ST6GALNAC5: variants seen among roughly 807,000 people sequenced by gnomAD.
ST6GALNAC5 encodes alpha-N-acetylgalactosaminide alpha-2,6-sialyltransferase 5.
A neutral mutation model predicts 33.6 loss-of-function variants in ST6GALNAC5; 27 were observed. The ratio of observed to expected loss-of-function variants is 0.80; its 90% CI spans 0.59 to 1.11. The LOEUF is 1.11. Among genes scored for constraint, ST6GALNAC5 ranks in the 50% least tolerant of loss-of-function variants. The pLI, the probability that ST6GALNAC5 is intolerant of heterozygous loss-of-function variation, is 0.00. For missense variants in ST6GALNAC5, 428 were observed against 454.0 expected (o/e 0.94, Z 0.52); for synonymous variants, 194 against 171.2 (o/e 1.13, Z -1.04).
chr1:77,012,221 T>G (rs1194675472), intron 2 of ST6GALNAC5, among the ~76,000 whole-genome samples: 1 of 152,158 alleles, frequency 6.6e-6, no homozygotes, highest in African/African-American at 2.4e-5. Flanking sequence ...AAATAATGTT[T>G]AAGAGTTTTT....
chr1:77,025,479 C>A (rs910421030), intron 2 of ST6GALNAC5, among the ~76,000 whole-genome samples: 1 of 150,662 alleles, frequency 6.6e-6, no homozygotes, highest in Non-Finnish European at 1.5e-5. Context: ...GAGATCACAC[C>A]ATTGAACTCC....
At chr1:76,993,430 C>T (rs1175923034) in intron 2 of ST6GALNAC5, among the ~76,000 whole-genome samples, 1 of 152,086 alleles carries the variant, frequency 6.6e-6, no homozygotes. Flanking sequence ...TTCTTGGTAC[C>T]CATTAAACAG....
chr1:76,885,072 T>A (rs531359772), intron 2 of ST6GALNAC5, among the ~76,000 whole-genome samples: 21 of 152,326 alleles, frequency 1.4e-4, no homozygotes, highest in African/African-American at 4.8e-4. Flanking sequence ...AAGGATGGGA[T>A]GGCGCCAGAC....
At chr1:77,041,409 A>G (rs1380541069) in intron 2 of ST6GALNAC5, among the ~76,000 whole-genome samples, 1 of 152,222 alleles carries the variant, frequency 6.6e-6, no homozygotes, top group African/African-American at 2.4e-5. Context: ...GGTTTTGGCC[A>G]TTACTTTTAA....
intron 2 of ST6GALNAC5, among the ~76,000 whole-genome samples, chr1:76,896,693 G>A (rs540540567): frequency 2.1e-4 from 32 of 152,230 alleles, no homozygotes; most frequent in African/African-American, 4.3e-4. Context: ...GGTAATTGTC[G>A]GACTTAAAGA....
At chr1:76,920,690 G>A (rs190179215) in intron 2 of ST6GALNAC5, among the ~76,000 whole-genome samples, 30 of 152,256 alleles carry the variant, frequency 2.0e-4, no homozygotes, top group African/African-American at 6.7e-4. Context: ...ACATTGCATT[G>A]AATCAGGGAA....
chr1:77,055,908 T>C (rs1357646026), intron 4 of ST6GALNAC5, among the ~76,000 whole-genome samples: 1 of 152,184 alleles, frequency 6.6e-6, no homozygotes, highest in African/African-American at 2.4e-5. Flanking sequence ...GCCCTGTCCA[T>C]GGGGGTGTTT....
rs866136604 is a variant in ST6GALNAC5 at position 76,991,845 on chromosome 1, A to G, written c.262-52359A>G. On this transcript the variant is annotated intron_variant, in intron 2 of 4. Transcript: ENST00000477717. Reference sequence around the variant, plus strand: ...TTCTAACTCACGCGTGTGCGCACACACACACACACACACACACACAGACAC... The same window carrying G: ...TTCTAACTCACGCGTGTGCGCACACGCACACACACACACACACACAGACAC... Among the ~76,000 whole-genome samples, 893 of 150,444 alleles carry G rather than the reference A, an allele frequency of 5.9e-3. 9 individuals are homozygous for G. Among genetic ancestry groups the G allele is most frequent in the African/African-American group, 0.02 (812 of 40,362 alleles).
At chr1:76,989,456 G>C (rs1463058596) in intron 2 of ST6GALNAC5, among the ~76,000 whole-genome samples, 1 of 151,938 alleles carries the variant, frequency 6.6e-6, no homozygotes. Flanking sequence ...TTCATGGCAA[G>C]ACATTTGTTC....
intron 2 of ST6GALNAC5, among the ~76,000 whole-genome samples, chr1:76,878,865 C>T (rs1653711510): frequency 6.6e-6 from 1 of 152,164 alleles, no homozygotes; most frequent in African/African-American, 2.4e-5. Flanking sequence ...CAGAGCTCTA[C>T]ATGAGTCAGG....
chr1:76,929,515 G>T (rs528450395), intron 2 of ST6GALNAC5, among the ~76,000 whole-genome samples: 1 of 152,172 alleles, frequency 6.6e-6, no homozygotes, highest in East Asian at 1.9e-4. Context: ...CTGCAGCCTG[G>T]GCAATAAAGT....
chr1:76,965,874 C>T (rs1648450805), intron 2 of ST6GALNAC5, among the ~76,000 whole-genome samples: 1 of 152,154 alleles, frequency 6.6e-6, no homozygotes, highest in African/African-American at 2.4e-5. Flanking sequence ...AATCCTTTCC[C>T]ATTTCTTGCT....
intron 2 of ST6GALNAC5, among the ~76,000 whole-genome samples, chr1:77,030,716 G>A (rs1651420190): frequency 6.6e-6 from 1 of 152,186 alleles, no homozygotes; most frequent in Non-Finnish European, 1.5e-5. Flanking sequence ...AATGGATGAA[G>A]CCATAAGAGG....
intron 2 of ST6GALNAC5, among the ~76,000 whole-genome samples, chr1:76,978,772 G>A (rs1353194682): frequency 6.6e-6 from 1 of 152,156 alleles, no homozygotes; most frequent in Non-Finnish European, 1.5e-5. Context: ...GGAAGTTCTA[G>A]GCAGAGCCAT....
intron 2 of ST6GALNAC5, among the ~76,000 whole-genome samples, chr1:76,994,774 T>C (rs1435030356): frequency 6.6e-6 from 1 of 152,148 alleles, no homozygotes; most frequent in Non-Finnish European, 1.5e-5. Flanking sequence ...AGCAGCAAAG[T>C]TCTGCATTAT....
rs77370630 is a variant in ST6GALNAC5, at chr1:77,051,168, T to G, written c.779+803T>G. Among the ~76,000 whole-genome samples, 4 of 152,290 alleles carry G rather than the reference T, an allele frequency of 2.6e-5. No individual in the cohort carries two copies. In the East Asian group the frequency reaches 7.7e-4, roughly 29 times the overall value. On this transcript the variant is annotated intron_variant, in intron 4 of 4. Coordinates refer to ENST00000477717, the MANE Select transcript of ST6GALNAC5 (RefSeq NM_030965.3). Reference sequence around the variant, plus strand: ...TTGTGTGCTTACTTATACTATCTGGTGTTTTATTTGTTTATTTTTTCTAAC... The same window carrying G: ...TTGTGTGCTTACTTATACTATCTGGGGTTTTATTTGTTTATTTTTTCTAAC...
intron 3 of ST6GALNAC5, among the ~76,000 whole-genome samples, chr1:77,045,114 G>A (rs1651965339): frequency 6.6e-6 from 1 of 152,174 alleles, no homozygotes. Flanking sequence ...CCAGTGCACT[G>A]AGGGTCTTGA....
At chr1:76,908,397 A>G (rs767592727) in intron 2 of ST6GALNAC5, among the ~76,000 whole-genome samples, 3 of 152,102 alleles carry the variant, frequency 2.0e-5, no homozygotes, top group Non-Finnish European at 4.4e-5. Flanking sequence ...TACTAATCCC[A>G]TTCACGAGGA....
chr1:76,896,244 C>A (rs1472143506), intron 2 of ST6GALNAC5, among the ~76,000 whole-genome samples: 1 of 152,162 alleles, frequency 6.6e-6, no homozygotes, highest in East Asian at 1.9e-4. Context: ...AAATTGTCTA[C>A]CTAGACTAAG....
Sources: gnomAD v4.1 joint callset for allele counts (sites outside exome capture counted in the v4.1 genomes callset) on GRCh38, gnomAD v4.1.1 for gene constraint, MANE v1.5 for transcripts, NCBI Gene and HGNC (gene_info 2026-07-23, HGNC 2026-07-21) for gene names.